The following M1AP variants were observed in gnomAD, a reference collection of about 807,000 sequenced individuals.
The protein encoded by M1AP is meiosis 1 arrest protein.
In M1AP, 39 loss-of-function variants were observed where a neutral mutation model predicts 51.2. The ratio of observed to expected loss-of-function variants is 0.76; its 90% CI spans 0.59 to 1.00. M1AP has a LOEUF of 1.00. Among genes scored for constraint, M1AP ranks in the 50% least tolerant of loss-of-function variants. The pLI, the probability that M1AP is intolerant of heterozygous loss-of-function variation, is 0.00. For synonymous variants in M1AP, 251 were observed against 249.2 expected (o/e 1.01, Z -0.07); for missense variants, 545 against 641.2 (o/e 0.85, Z 1.62).
chr2:74,575,593 A>C lies in M1AP; in HGVS notation c.933-14T>G. The C allele has an allele frequency of 6.2e-7, 1 of 1,607,930 alleles. No individual in the cohort carries two copies. Among genetic ancestry groups the C allele is most frequent in the Non-Finnish European group, 8.5e-7 (1 of 1,175,002 alleles). The stretch of plus-strand genomic sequence containing the variant: ...GATTTTAAAGCCCTAGGAAGAGATA[A>C]TTACAGTCAAAGACTCCTTAGTGAT... On this transcript the variant is annotated splice_polypyrimidine_tract_variant and intron_variant, in intron 6 of 10. Transcript: ENST00000421985.
At chr2:74,647,225 T>C (rs1683662399) in intron 1 of M1AP, 1 of 985,060 alleles carries the variant, frequency 1.0e-6, no homozygotes, top group African/African-American at 1.7e-5. Context: ...TCTGCCCAAC[T>C]CTCCATCCTC....
At chr2:74,600,798 AC>A (rs1316671759) in intron 4 of M1AP, among the ~76,000 whole-genome samples, 1 of 152,244 alleles carries the variant, frequency 6.6e-6, no homozygotes, top group African/African-American at 2.4e-5. Flanking sequence ...TGTAACATAA[AC>A]ATGAGTGAAC....
At chr2:74,632,825 G>C (rs1682778137) in intron 2 of M1AP, among the ~76,000 whole-genome samples, 1 of 152,106 alleles carries the variant, frequency 6.6e-6, no homozygotes, top group Non-Finnish European at 1.5e-5. Context: ...GTGTAAAGCT[G>C]TCTGCCTTTT....
chr2:74,622,773 A>G (rs1682134875), intron 2 of M1AP, among the ~76,000 whole-genome samples: 1 of 151,892 alleles, frequency 6.6e-6, no homozygotes, highest in African/African-American at 2.4e-5. Flanking sequence ...GCTGTATAAA[A>G]CAATAGCAGT....
chr2:74,628,000 A>C (rs1468612381), intron 2 of M1AP, among the ~76,000 whole-genome samples: 3 of 152,204 alleles, frequency 2.0e-5, no homozygotes, highest in Non-Finnish European at 4.4e-5. Flanking sequence ...AAAGGTCTCC[A>C]TTTTATATAT....
intron 5 of M1AP, 65 bp downstream of exon 5, chr2:74,581,609 C>A: frequency 1.3e-6 from 2 of 1,506,768 alleles, no homozygotes; most frequent in Non-Finnish European, 9.1e-7. Flanking sequence ...GACTCACCAC[C>A]AATCTAGAGT....
chr2:74,614,379 C>T (rs747247043), intron 3 of M1AP, among the ~76,000 whole-genome samples: 5 of 152,176 alleles, frequency 3.3e-5, no homozygotes, highest in Non-Finnish European at 7.3e-5. Context: ...CAATCCCACA[C>T]GATTATTTTT....
chr2:74,643,593 T>C (rs929364003), intron 1 of M1AP, among the ~76,000 whole-genome samples: 3 of 145,520 alleles, frequency 2.1e-5, no homozygotes, highest in African/African-American at 7.9e-5. Flanking sequence ...TAATGTTCTT[T>C]TTTTTTTTTT....
chr2:74,567,296 C>T (rs928038927), intron 7 of M1AP, among the ~76,000 whole-genome samples: 5 of 152,210 alleles, frequency 3.3e-5, no homozygotes, highest in African/African-American at 1.2e-4. Flanking sequence ...CACAGAAATA[C>T]AAACCATCCA....
chr2:74,559,273 C>T (rs1483089562), intron 10 of M1AP, among the ~76,000 whole-genome samples: 2 of 152,122 alleles, frequency 1.3e-5, no homozygotes, highest in Admixed American at 6.5e-5. Flanking sequence ...ATCCCCCGAC[C>T]TTAGCCTCCC....
At position 74,591,738 on chromosome 2, in the gene M1AP, G is replaced by A. The variant is rs149378859; in HGVS notation, c.596-9891C>T. On this transcript the variant is annotated intron_variant, in intron 4 of 10. Coordinates refer to ENST00000421985, the MANE Select transcript of M1AP (RefSeq NM_001321739.2). ...GACTTACTTGGGGGAGCTAAGTAGA[G>A]TAAGGAAAAGCTAAAGAAGACGCTC... Among the ~76,000 whole-genome samples, 303 of 152,250 alleles carry A rather than the reference G, an allele frequency of 2.0e-3. No homozygotes were observed. In the Middle Eastern group the frequency reaches 0.02, roughly 10 times the overall value.
At chr2:74,611,731 C>T (rs994161397) in intron 3 of M1AP, among the ~76,000 whole-genome samples, 5 of 151,598 alleles carry the variant, frequency 3.3e-5, no homozygotes, top group African/African-American at 1.2e-4. Context: ...ATTCGGGAAG[C>T]TGAGGCAGGA....
chr2:74,581,939 CGGGG>C, intron 4 of M1AP, 92 bp from the exon 5 acceptor site: 5 of 1,190,266 alleles, frequency 4.2e-6, no homozygotes, highest in Non-Finnish European at 6.0e-6. Flanking sequence ...TTTTTTGAGA[CGGGG>C]GTCTCATTAT....
At chr2:74,569,377 C>CTTTT (rs1196526014) in intron 7 of M1AP, among the ~76,000 whole-genome samples, 8 of 128,686 alleles carry the variant, frequency 6.2e-5, no homozygotes, top group Non-Finnish European at 1.0e-4. Flanking sequence ...CCTCACTCTA[C>CTTTT]TTTTTTTTTT....
At chr2:74,610,677 A>T (rs1258858684) in intron 3 of M1AP, among the ~76,000 whole-genome samples, 1 of 151,938 alleles carries the variant, frequency 6.6e-6, no homozygotes, top group Non-Finnish European at 1.5e-5. Flanking sequence ...GCCAGTCTTG[A>T]TCCTCAAGTG....
chr2:74,628,558 A>G, intron 2 of M1AP: 1 of 540,516 alleles, frequency 1.9e-6, no homozygotes, highest in African/African-American at 1.9e-5. Context: ...GTAAGTCCCA[A>G]TCAAAAGATT....
At chr2:74,619,267 C>T (rs769388475) in intron 2 of M1AP, 1 of 190,750 alleles carries the variant, frequency 5.2e-6, no homozygotes, top group Non-Finnish European at 1.1e-5. Context: ...TTGTAGTGGT[C>T]TAGAAACAGA....
rs763360401 is a variant in M1AP at position 74,640,323 on chromosome 2, T to C, written c.-48A>G. 5 of 1,606,880 alleles carry C rather than the reference T, an allele frequency of 3.1e-6. No homozygotes were observed. In the Admixed American group the frequency reaches 5.1e-5, roughly 16 times the overall value. ...CTGTAGCCACCAGCTGGATATTCTT[T>C]ACACCTATAGGGAAGGAAAGAGAAA... On this transcript the variant is annotated 5_prime_UTR_variant, in exon 2 of 11. Transcript: ENST00000421985.
At chr2:74,611,377 T>C (rs2104720813) in intron 3 of M1AP, among the ~76,000 whole-genome samples, 1 of 152,352 alleles carries the variant, frequency 6.6e-6, no homozygotes, top group East Asian at 1.9e-4. Flanking sequence ...CTGTTTAGGC[T>C]TTCTATTTTT....
Sources: gnomAD v4.1 joint callset for allele counts (sites outside exome capture counted in the v4.1 genomes callset) on GRCh38, gnomAD v4.1.1 for gene constraint, MANE v1.5 for transcripts, NCBI Gene and HGNC (gene_info 2026-07-23, HGNC 2026-07-21) for gene names.